CNTN5: variants seen among roughly 807,000 people sequenced by gnomAD.
The protein encoded by CNTN5 is contactin 5, also known as contactin-5.
A neutral mutation model predicts 129.1 loss-of-function variants in CNTN5; 77 were observed. That is an observed-to-expected ratio of 0.60 (90% confidence interval 0.50 to 0.72). The LOEUF is 0.72. Among genes scored for constraint, CNTN5 ranks in the 30% least tolerant of loss-of-function variants. The probability of loss-of-function intolerance (pLI) is 0.00; values close to 1 mark genes in which losing one functional copy is unlikely to be tolerated. For missense variants in CNTN5, 1,478 were observed against 1,328.8 expected (o/e 1.11, Z -1.75); for synonymous variants, 509 against 465.6 (o/e 1.09, Z -1.20).
intron 1 of CNTN5, among the ~76,000 whole-genome samples, chr11:99,254,685 A>G (rs772955717): frequency 3.9e-5 from 6 of 151,980 alleles, no homozygotes; most frequent in Admixed American, 6.6e-5. Flanking sequence ...CAGTCAGAGT[A>G]TGATTTATTT....
chr11:99,567,682 C>T (rs1158116275), intron 3 of CNTN5, among the ~76,000 whole-genome samples: 1 of 152,132 alleles, frequency 6.6e-6, no homozygotes, highest in African/African-American at 2.4e-5. Flanking sequence ...TGGATTATGG[C>T]TCCTCCATGA....
At chr11:99,658,182 G>T (rs576720742) in intron 3 of CNTN5, among the ~76,000 whole-genome samples, 5 of 152,252 alleles carry the variant, frequency 3.3e-5, no homozygotes, top group Non-Finnish European at 5.9e-5. Flanking sequence ...GTTGCAACAA[G>T]TAATCTGAAA....
intron 1 of CNTN5, among the ~76,000 whole-genome samples, chr11:99,037,119 C>A (rs1032314831): frequency 1.3e-5 from 2 of 152,200 alleles, no homozygotes; most frequent in African/African-American, 4.8e-5. Context: ...CTTCTTCAAT[C>A]ACATAAAATA....
chr11:99,596,514 A>T (rs1348795751), intron 3 of CNTN5, among the ~76,000 whole-genome samples: 2 of 152,196 alleles, frequency 1.3e-5, no homozygotes, highest in South Asian at 2.1e-4. Flanking sequence ...CTAATCACAG[A>T]TTTAGGGAAA....
At chr11:99,424,354 C>T (rs906940028) in intron 2 of CNTN5, among the ~76,000 whole-genome samples, 7 of 152,178 alleles carry the variant, frequency 4.6e-5, no homozygotes, top group Non-Finnish European at 1.0e-4. Context: ...TTGTCGCTTT[C>T]CCAGCTGGAA....
intron 1 of CNTN5, among the ~76,000 whole-genome samples, chr11:99,083,640 T>C (rs574615366): frequency 6.6e-6 from 1 of 152,346 alleles, no homozygotes; most frequent in East Asian, 1.9e-4. Context: ...AGAATTTGTA[T>C]CAGAGGAACT....
chr11:100,078,913 G>A (rs942297490), intron 13 of CNTN5, among the ~76,000 whole-genome samples: 3 of 152,088 alleles, frequency 2.0e-5, no homozygotes, highest in Admixed American at 1.3e-4. Context: ...ATAAAGGAAA[G>A]AGGTTTGATT....
At chr11:100,007,510 C>T (rs796759220) in intron 9 of CNTN5, among the ~76,000 whole-genome samples, 2 of 152,128 alleles carry the variant, frequency 1.3e-5, no homozygotes, top group South Asian at 4.1e-4. Context: ...TCACCTTCCA[C>T]TTTAATGTTA....
chr11:99,861,011 A>G (rs1481676283), intron 6 of CNTN5, among the ~76,000 whole-genome samples: 2 of 131,350 alleles, frequency 1.5e-5, no homozygotes, highest in African/African-American at 6.0e-5. Context: ...GCTGGAGTGC[A>G]GTGGCGCAAT....
chr11:100,120,873 G>C (rs1346213769), intron 13 of CNTN5, among the ~76,000 whole-genome samples: 1 of 151,728 alleles, frequency 6.6e-6, no homozygotes, highest in East Asian at 1.9e-4. Flanking sequence ...TATTGTAATA[G>C]CATCTAGTAT....
intron 2 of CNTN5, among the ~76,000 whole-genome samples, chr11:99,549,209 C>T (rs1239853137): frequency 6.6e-6 from 1 of 151,870 alleles, no homozygotes; most frequent in Non-Finnish European, 1.5e-5. Flanking sequence ...GATTTCTTTT[C>T]CTGTAAGTGA....
At chr11:100,011,858 G>T (rs1940555312) in intron 9 of CNTN5, among the ~76,000 whole-genome samples, 1 of 152,028 alleles carries the variant, frequency 6.6e-6, no homozygotes, top group Non-Finnish European at 1.5e-5. Flanking sequence ...CTGCTCTTGT[G>T]TCCCATTGTA....
intron 2 of CNTN5, among the ~76,000 whole-genome samples, chr11:99,462,732 T>C (rs1489834542): frequency 1.3e-5 from 2 of 152,116 alleles, no homozygotes; most frequent in East Asian, 1.9e-4. Flanking sequence ...TGCTACCTCA[T>C]TGGTGAATTA....
chr11:99,523,994 G>A (rs1252406144), intron 2 of CNTN5, among the ~76,000 whole-genome samples: 1 of 152,172 alleles, frequency 6.6e-6, no homozygotes, highest in East Asian at 1.9e-4. Flanking sequence ...CTGTGCCAAA[G>A]ATGAAGGACT....
At chr11:100,024,899 GAACCT>G (rs1225813243) in intron 9 of CNTN5, among the ~76,000 whole-genome samples, 1 of 152,228 alleles carries the variant, frequency 6.6e-6, no homozygotes, top group Non-Finnish European at 1.5e-5. Context: ...AAGGGAAACA[GAACCT>G]AAAAGTTTGG....
At chr11:99,391,608 C>T (rs75130749) in intron 2 of CNTN5, among the ~76,000 whole-genome samples, 4,431 of 151,874 alleles carry the variant, frequency 0.029, 207 homozygotes, top group African/African-American at 0.1. Flanking sequence ...TGGAAATGGC[C>T]GGAAGGAAAA....
At chr11:99,855,947 C>A (rs1377637227) in intron 6 of CNTN5, among the ~76,000 whole-genome samples, 1 of 151,894 alleles carries the variant, frequency 6.6e-6, no homozygotes, top group Non-Finnish European at 1.5e-5. Context: ...AACTAGAAAC[C>A]AATATACTCT....
intron 23 of CNTN5, 40 bp downstream of exon 23, chr11:100,341,245 C>A: frequency 7.2e-7 from 1 of 1,388,514 alleles, no homozygotes; most frequent in Non-Finnish European, 1.0e-6. Context: ...TACTCATCTC[C>A]GAAATTGTTA....
chr11:99,845,968 G>A (rs118161039), intron 6 of CNTN5, among the ~76,000 whole-genome samples: 4,105 of 151,922 alleles, frequency 0.027, 95 homozygotes, highest in Non-Finnish European at 0.041. Context: ...ATTTGCTATG[G>A]ATTTCTAAGA....
Sources: allele counts gnomAD v4.1 joint callset (sites outside exome capture counted in the v4.1 genomes callset), GRCh38; gene constraint gnomAD v4.1.1; transcripts MANE v1.5; gene names NCBI Gene and HGNC (gene_info 2026-07-23, HGNC 2026-07-21).